The following SOX6 variants were observed in gnomAD, a reference collection of about 807,000 sequenced individuals.
SOX6 encodes SRY-box transcription factor 6.
A neutral mutation model predicts 97.8 loss-of-function variants in SOX6; 11 were observed. The ratio of observed to expected loss-of-function variants is 0.11; its 90% confidence interval spans 0.07 to 0.19. The LOEUF (loss-of-function observed/expected upper bound fraction) is 0.19, where lower values mean the gene tolerates loss of function less well. Among genes scored for constraint, SOX6 ranks in the 10% least tolerant of loss-of-function variants. SOX6 has a pLI of 1.00. For missense variants in SOX6, 810 were observed against 1,039.5 expected (o/e 0.78, Z 3.04); for synonymous variants, 360 against 371.4 (o/e 0.97, Z 0.35).
chr11:16,071,919 A>C (rs978051138), intron 9 of SOX6, among the ~76,000 whole-genome samples: 2 of 152,072 alleles, frequency 1.3e-5, no homozygotes, highest in African/African-American at 4.8e-5. Flanking sequence ...TTAAAAAAAA[A>C]AAAAAGAAAA....
At chr11:16,287,622 C>T (rs988550636) in intron 3 of SOX6, among the ~76,000 whole-genome samples, 37 of 152,230 alleles carry the variant, frequency 2.4e-4, no homozygotes, top group African/African-American at 8.9e-4. Context: ...TTAATTTCCT[C>T]ATTTCTAGAA....
chr11:15,994,730 T>G (rs1275670576), intron 13 of SOX6, among the ~76,000 whole-genome samples: 1 of 152,192 alleles, frequency 6.6e-6, no homozygotes, highest in Non-Finnish European at 1.5e-5. Context: ...ATAGAATTAA[T>G]GTGATACATG....
intron 12 of SOX6, among the ~76,000 whole-genome samples, chr11:16,039,408 G>C (rs1173964570): frequency 6.6e-6 from 1 of 151,968 alleles, no homozygotes; most frequent in Non-Finnish European, 1.5e-5. Flanking sequence ...CATAATGCAG[G>C]TGTATGTATT....
intron 3 of SOX6, among the ~76,000 whole-genome samples, chr11:16,257,619 G>C (rs1336188338): frequency 6.6e-6 from 1 of 151,852 alleles, no homozygotes; most frequent in East Asian, 1.9e-4. Context: ...GATAACATAG[G>C]AGAAAACTTA....
chr11:16,148,236 A>G (rs1260591216), intron 6 of SOX6, among the ~76,000 whole-genome samples: 1 of 152,040 alleles, frequency 6.6e-6, no homozygotes, highest in Non-Finnish European at 1.5e-5. Context: ...GCCTTTTTTT[A>G]TTCTTCATTG....
At chr11:16,072,491 G>A (rs1021326428) in intron 9 of SOX6, among the ~76,000 whole-genome samples, 3 of 152,132 alleles carry the variant, frequency 2.0e-5, no homozygotes, top group Non-Finnish European at 4.4e-5. Flanking sequence ...TTGAAAGAGA[G>A]GAATAGAAGG....
chr11:16,619,817 T>C (rs1848518566), intron 3 of SOX6, among the ~76,000 whole-genome samples: 1 of 152,166 alleles, frequency 6.6e-6, no homozygotes, highest in African/African-American at 2.4e-5. Flanking sequence ...GTCCTTATAA[T>C]TTTTATTCAA....
chr11:16,551,082 A>G (rs1171349455), intron 4 of SOX6, among the ~76,000 whole-genome samples: 1 of 152,162 alleles, frequency 6.6e-6, no homozygotes, highest in East Asian at 1.9e-4. Context: ...GTGGTAGCAC[A>G]CACCTATAGT....
intron 4 of SOX6, among the ~76,000 whole-genome samples, chr11:16,191,679 A>G (rs1368813713): frequency 6.6e-6 from 1 of 152,090 alleles, no homozygotes; most frequent in Non-Finnish European, 1.5e-5. Flanking sequence ...ACATAAAAAC[A>G]GAGGTAGTTT....
At chr11:16,557,059 C>T (rs1437500345) in intron 4 of SOX6, among the ~76,000 whole-genome samples, 1 of 151,662 alleles carries the variant, frequency 6.6e-6, no homozygotes, top group Non-Finnish European at 1.5e-5. Flanking sequence ...GTGGTGTTTC[C>T]CTTTAGTCTT....
intron 6 of SOX6, among the ~76,000 whole-genome samples, chr11:16,116,075 C>T (rs1455329485): frequency 1.3e-5 from 2 of 152,138 alleles, no homozygotes; most frequent in East Asian, 3.9e-4. Context: ...TGTAAAAACT[C>T]CAAGTGCCCT....
chr11:16,732,325 C>T (rs1267641959), intron 2 of SOX6, among the ~76,000 whole-genome samples: 3 of 152,054 alleles, frequency 2.0e-5, no homozygotes, highest in Non-Finnish European at 2.9e-5. Flanking sequence ...CACAATACCT[C>T]ACTTCAAACT....
intron 1 of SOX6, among the ~76,000 whole-genome samples, chr11:16,465,540 G>A (rs989006276): frequency 6.6e-6 from 1 of 152,074 alleles, no homozygotes; most frequent in African/African-American, 2.4e-5. Context: ...TAAGTGATAG[G>A]CTTGTCACCA....
In SOX6 at chr11:16,523,924, C is replaced by G. The variant is rs545791982; in HGVS notation, n.610-47536G>C. 3.2e-3 allele frequency among the ~76,000 whole-genome samples: 481 copies of G among 152,304 alleles called. 5 individuals are homozygous for G. The highest frequency in any genetic ancestry group is 2.4e-3 in the Non-Finnish European group (161 of 68,028). ...CCTCAACACATACACCCTCCCAAGA[C>G]TAAACCAGGAAGAAGTTGAATCTTT... On this transcript the variant is annotated intron_variant and non_coding_transcript_variant, in intron 4 of 5. Transcript: ENST00000524520.
chr11:16,476,057 A>ATAGT (rs1467140820), intron 1 of SOX6, among the ~76,000 whole-genome samples: 4 of 152,206 alleles, frequency 2.6e-5, no homozygotes, highest in Non-Finnish European at 5.9e-5. Context: ...AAAGAGTAAG[A>ATAGT]TAGTTATTCT....
At chr11:16,258,889 C>T (rs1256621680) in intron 3 of SOX6, among the ~76,000 whole-genome samples, 1 of 151,488 alleles carries the variant, frequency 6.6e-6, no homozygotes, top group East Asian at 1.9e-4. Flanking sequence ...CATATATACA[C>T]ACACATATAT....
At position 16,095,996 on chromosome 11, in the gene SOX6, C is replaced by T; in HGVS notation, c.1101G>A (p.Glu367=). 6.2e-7 allele frequency: 1 copy of T among 1,610,070 alleles called. No homozygotes were observed. Among genetic ancestry groups the T allele is most frequent in the South Asian group, 1.1e-5 (1 of 91,004 alleles). Residue 367 remains glutamate (E), a splice_region_variant and synonymous_variant, in exon 9 of 16, where the codon GAG becomes GAA. Transcript: ENST00000683767. ...GGHSYNHKQI[E]QLYAAQLASM... ...GAAGCATCAATGGAAGCATTCATAC[C>T]TCAATCTGTTTGTGGTTGTAAGAGT...
intron 9 of SOX6, among the ~76,000 whole-genome samples, chr11:16,066,291 T>C (rs1848092046): frequency 6.6e-6 from 1 of 152,130 alleles, no homozygotes; most frequent in Non-Finnish European, 1.5e-5. Flanking sequence ...GGAATCCCTG[T>C]ACACTGTTGG....
intron 12 of SOX6, among the ~76,000 whole-genome samples, chr11:16,017,326 AG>A (rs1233480439): frequency 2.0e-5 from 3 of 152,120 alleles, no homozygotes; most frequent in Non-Finnish European, 4.4e-5. Context: ...TTGACAGAGT[AG>A]AAGTCAAGGA....
Sources: gnomAD v4.1 joint callset for allele counts (sites outside exome capture counted in the v4.1 genomes callset) on GRCh38, gnomAD v4.1.1 for gene constraint, MANE v1.5 for transcripts, NCBI Gene and HGNC (gene_info 2026-07-23, HGNC 2026-07-21) for gene names.